Variants in PLPBP observed in about 807,000 individuals in gnomAD.
PLPBP encodes the protein pyridoxal phosphate binding protein.
A neutral mutation model predicts 31.2 loss-of-function variants in PLPBP; 21 were observed. That is an observed-to-expected ratio of 0.67 (90% CI 0.48 to 0.97). The LOEUF (loss-of-function observed/expected upper bound fraction) is 0.97. Ranked by LOEUF, PLPBP falls within the 50% of genes least tolerant of loss-of-function variation. The pLI is 0.00. For synonymous variants in PLPBP, 124 were observed against 135.6 expected, an observed-to-expected ratio of 0.91 and a Z score of 0.59; for missense variants, 308 against 354.4, an observed-to-expected ratio of 0.87 and a Z score of 1.05.
intron 4 of PLPBP, among the ~76,000 whole-genome samples, chr8:37,772,509 A>G (rs1803798252): frequency 6.6e-6 from 1 of 152,198 alleles, no homozygotes; most frequent in African/African-American, 2.4e-5. Context: ...TTATGGATGT[A>G]TATGCTGCCT....
rs1803512778 is a variant in PLPBP, at chr8:37,762,737, G to A, written c.78G>A (p.Gln26=). 1 of 1,581,132 alleles carries A rather than the reference G, an allele frequency of 6.3e-7. No individual in the cohort carries two copies. Among genetic ancestry groups the A allele is most frequent in the Non-Finnish European group, 8.6e-7 (1 of 1,169,412 alleles). The part of the protein sequence containing the change: ...ALRAVNERVQ[Q]AVARRPRDLP... The stretch of plus-strand genomic sequence containing the variant: ...GGGCGGTGAACGAGCGCGTGCAGCA[G>A]GCTGTGGCGCGGCGGCCGCGGGTGA... Residue 26 remains glutamine, a synonymous_variant, in exon 1 of 8, where the codon CAG becomes CAA. Coordinates refer to ENST00000328195, the MANE Select transcript of PLPBP (RefSeq NM_007198.4).
intron 4 of PLPBP, among the ~76,000 whole-genome samples, chr8:37,767,046 CAAAAAAAAAAAAAA>C (rs377103424): frequency 2.4e-4 from 14 of 57,164 alleles, no homozygotes; most frequent in Middle Eastern, 0.016. Context: ...GACTTCATCC[CAAAAAAAAAAAAAA>C]AAAAAAAAAC....
At chr8:37,769,243 G>A (rs1052178494) in intron 4 of PLPBP, among the ~76,000 whole-genome samples, 9 of 152,016 alleles carry the variant, frequency 5.9e-5, no homozygotes, top group Non-Finnish European at 1.3e-4. Context: ...GGCTGAGGTA[G>A]GACGATCACC....
intron 4 of PLPBP, among the ~76,000 whole-genome samples, chr8:37,770,572 TTTTGTTTG>T (rs1265211369): frequency 6.6e-6 from 1 of 152,062 alleles, no homozygotes; most frequent in Non-Finnish European, 1.5e-5. Context: ...TCTGGACAAA[TTTTGTTTG>T]TTTGTTTGTT....
chr8:37,766,169 AT>A, intron 3 of PLPBP, 110 bp from the exon 4 acceptor site: 1 of 785,932 alleles, frequency 1.3e-6, no homozygotes. Flanking sequence ...AGTTTATTAC[AT>A]TTAAGGAACA....
At position 37,775,448 on chromosome 8, in the gene PLPBP, T is replaced by C; in HGVS notation, c.564T>C (p.His188=). ...TGATGACCATAGGAAGCTTTGGGCA[T>C]GATCTTAGTCAAGGACCAAATCCAG... is the stretch of plus-strand genomic sequence containing the variant. ...VGLMTIGSFG[H]DLSQGPNPDF... The change falls in exon 6 of 8, where the codon CAT becomes CAC. Residue 188 remains histidine (H), a synonymous_variant. Transcript: ENST00000328195. The C allele has an allele frequency of 6.2e-7, 1 of 1,614,202 alleles. No homozygotes were observed. The highest frequency in any genetic ancestry group is 2.2e-5 in the East Asian group (1 of 44,892).
rs980662337 is a variant in PLPBP, at chr8:37,775,332, C to G, written c.455-7C>G. 1.2e-6 allele frequency: 2 copies of G among 1,614,120 alleles called. No individual in the cohort carries two copies. Among genetic ancestry groups the G allele is most frequent in the Non-Finnish European group, 1.7e-6 (2 of 1,179,972 alleles). On this transcript the variant is annotated splice_region_variant and splice_polypyrimidine_tract_variant and intron_variant, in intron 5 of 7. Coordinates refer to ENST00000328195, the MANE Select transcript of PLPBP (RefSeq NM_007198.4). ...AGTATACCTGTTTTCTGTTTCTTTT[C>G]TTGAAGGTAAACATGGCCTTCCACC...
At chr8:37,766,936 A>G (rs1377407164) in intron 4 of PLPBP, among the ~76,000 whole-genome samples, 1 of 151,504 alleles carries the variant, frequency 6.6e-6, no homozygotes, top group African/African-American at 2.4e-5. Context: ...AGTCCCAGCT[A>G]CACAGGAGGC....
chr8:37,772,306 G>A (rs947221746), intron 4 of PLPBP, among the ~76,000 whole-genome samples: 6 of 152,144 alleles, frequency 3.9e-5, no homozygotes, highest in African/African-American at 1.4e-4. Context: ...TTAGGGTCAT[G>A]GTGATGTCCT....
rs761561387 is a variant in PLPBP, at chr8:37,778,102, TG to T, written c.827del (p.Ter276=). On this transcript the variant is annotated frameshift_variant and stop_lost, in exon 8 of 8. Coordinates refer to ENST00000328195, the MANE Select transcript of PLPBP (RefSeq NM_007198.4). LOFTEE classifies it high-confidence loss of function. ...KAPLEVAQEH[*>X] is the part of the protein sequence containing the mutation. ...CCCGCTGGAGGTGGCACAGGAGCAC[TG>T]AGCCAGGGAATACTGAGAGCACTAA... 6.2e-7 allele frequency: 1 copy of T among 1,612,572 alleles called. No homozygotes were observed. The highest frequency in any genetic ancestry group is 1.3e-5 in the African/African-American group (1 of 75,030).
chr8:37,777,369 G>C (rs1227494341), intron 7 of PLPBP, among the ~76,000 whole-genome samples: 1 of 152,120 alleles, frequency 6.6e-6, no homozygotes, highest in Non-Finnish European at 1.5e-5. Context: ...GGGCTGTGCT[G>C]TGTGGCTGCG....
chr8:37,770,914 G>A (rs946216768), intron 4 of PLPBP, among the ~76,000 whole-genome samples: 7 of 152,064 alleles, frequency 4.6e-5, no homozygotes, highest in African/African-American at 9.7e-5. Context: ...AGGAGGGAGC[G>A]GGGAAGGAGC....
intron 4 of PLPBP, among the ~76,000 whole-genome samples, chr8:37,768,398 A>T (rs747820089): frequency 7.9e-5 from 12 of 152,042 alleles, no homozygotes; most frequent in Non-Finnish European, 1.6e-4. Flanking sequence ...TATAGCTTAT[A>T]AGTCAACAAA....
intron 4 of PLPBP, 197 bp downstream of exon 4, chr8:37,766,552 T>G (rs1803634188): frequency 3.3e-6 from 4 of 1,211,566 alleles, no homozygotes; most frequent in Non-Finnish European, 4.1e-6. Flanking sequence ...ATTTTCTGGG[T>G]TATATATACT....
At chr8:37,774,377 G>A (rs1413512746) in intron 5 of PLPBP, among the ~76,000 whole-genome samples, 1 of 152,306 alleles carries the variant, frequency 6.6e-6, no homozygotes. Context: ...CCTTGGATAA[G>A]TTACCTAATC....
In PLPBP at chr8:37,779,545, C is replaced by T. The variant is rs1441460371; in HGVS notation, c.*1441C>T. The T allele has an allele frequency of 6.6e-6, 1 of 152,374 alleles. No individual in the cohort carries two copies. The highest frequency in any genetic ancestry group is 1.5e-5 in the Non-Finnish European group (1 of 68,028). 9.4% of individuals were successfully genotyped at this position (152,374 alleles called of 1,614,324 possible). The stretch of plus-strand genomic sequence containing the variant: ...GGCTTGTTTTTTATTTTCCAGATGG[C>T]TTTTTCTCTTATTTTTTGAAGCCCC... On this transcript the variant is annotated 3_prime_UTR_variant, in exon 8 of 8. Transcript: ENST00000328195.
At chr8:37,766,670 TTC>T in intron 4 of PLPBP, 1 of 944,128 alleles carries the variant, frequency 1.1e-6, no homozygotes. Context: ...GACATTTCTG[TTC>T]TTTTTCCTTT....
intron 4 of PLPBP, 104 bp from the exon 5 acceptor site, chr8:37,772,651 T>C: frequency 7.2e-7 from 1 of 1,384,878 alleles, no homozygotes; most frequent in Non-Finnish European, 1.0e-6. Context: ...TGTGTTTTTC[T>C]TTTCCTGGCA....
intron 1 of PLPBP, among the ~76,000 whole-genome samples, chr8:37,764,554 C>A (rs1803573662): frequency 6.6e-6 from 1 of 152,204 alleles, no homozygotes; most frequent in African/African-American, 2.4e-5. Context: ...CTCGTAACTT[C>A]AGGTGATCCA....
Sources: gnomAD v4.1 joint callset for allele counts (sites outside exome capture counted in the v4.1 genomes callset) on GRCh38, gnomAD v4.1.1 for gene constraint, MANE v1.5 for transcripts, NCBI Gene and HGNC (gene_info 2026-07-23, HGNC 2026-07-21) for gene names.